Variants in SHOC2 observed in about 807,000 individuals in gnomAD.
The protein encoded by SHOC2 is leucine-rich repeat protein SHOC-2.
SHOC2 carries 4 observed loss-of-function variants against 50.2 expected under a neutral mutation model. The observed-to-expected ratio is 0.08, with a 90% confidence interval of 0.04 to 0.18. The LOEUF is 0.18. SHOC2 is among the 10% of genes least tolerant of loss of function. SHOC2 has a pLI of 1.00. For synonymous variants in SHOC2, 218 were observed against 244.5 expected (o/e 0.89, Z 1.01); for missense variants, 388 against 669.6 (o/e 0.58, Z 4.64).
chr10:111,000,862 G>GT (rs1482795489), intron 4 of SHOC2, among the ~76,000 whole-genome samples: 1 of 152,022 alleles, frequency 6.6e-6, no homozygotes, highest in Admixed American at 6.5e-5. Context: ...GACAGTAAAG[G>GT]TATTAAGGAA....
At chr10:110,949,405 A>T (rs561081377) in intron 1 of SHOC2, among the ~76,000 whole-genome samples, 1 of 152,092 alleles carries the variant, frequency 6.6e-6, no homozygotes, top group Non-Finnish European at 1.5e-5. Context: ...AGAAAATCCA[A>T]TCACACCCAG....
At chr10:111,007,455 C>T in intron 5 of SHOC2, 76 bp from the exon 6 acceptor site, 1 of 1,490,516 alleles carries the variant, frequency 6.7e-7, no homozygotes, top group South Asian at 1.2e-5. Flanking sequence ...TAAGAATTCT[C>T]TTTCCGAAGT....
intron 1 of SHOC2, among the ~76,000 whole-genome samples, chr10:110,924,271 C>G (rs1003262373): frequency 6.6e-6 from 1 of 152,074 alleles, no homozygotes; most frequent in African/African-American, 2.4e-5. Flanking sequence ...CCGGACAAGT[C>G]AATAGTTAAT....
Position 110,997,248 on chromosome 10 carries a change from A to G in SHOC2, c.842-3167A>G, listed in dbSNP as rs140499493. Among the ~76,000 whole-genome samples, 784 of 152,344 alleles carry G rather than the reference A, an allele frequency of 5.1e-3. 5 individuals are homozygous for G. Among genetic ancestry groups the G allele is most frequent in the African/African-American group, 0.018 (756 of 41,588 alleles). The stretch of plus-strand genomic sequence containing the variant: ...ATATAAAATATCTCTGTAATGTAAA[A>G]TATTCATCCAAAAGAAAAAGGATAG... On this transcript the variant is annotated intron_variant, in intron 3 of 8. Transcript: ENST00000369452.
chr10:111,006,767 T>C (rs1848476496), intron 5 of SHOC2, among the ~76,000 whole-genome samples: 3 of 152,216 alleles, frequency 2.0e-5, no homozygotes, highest in Admixed American at 1.3e-4. Context: ...ATTGTTGGTA[T>C]TGAGCTGGAT....
intron 1 of SHOC2, among the ~76,000 whole-genome samples, chr10:110,920,550 C>A (rs565747377): frequency 6.6e-6 from 1 of 152,122 alleles, no homozygotes; most frequent in East Asian, 1.9e-4. Context: ...TTCTTCCTTC[C>A]TTTCTTTAAG....
At chr10:110,948,389 G>A (rs1034487094) in intron 1 of SHOC2, among the ~76,000 whole-genome samples, 6 of 152,150 alleles carry the variant, frequency 3.9e-5, no homozygotes, top group Non-Finnish European at 8.8e-5. Context: ...AGGCCAAATG[G>A]ACGTAACAGG....
intron 4 of SHOC2, among the ~76,000 whole-genome samples, chr10:111,000,760 TGTAAA>T (rs989774794): frequency 1.6e-4 from 24 of 152,188 alleles, no homozygotes; most frequent in Admixed American, 1.4e-3. Flanking sequence ...ATTTTTTTAA[TGTAAA>T]GAAAAAGGGA....
chr10:110,939,418 T>G (rs1325144962), intron 1 of SHOC2, among the ~76,000 whole-genome samples: 1 of 152,022 alleles, frequency 6.6e-6, no homozygotes, highest in Non-Finnish European at 1.5e-5. Flanking sequence ...TAGGGTTTCC[T>G]TATGTTGCCC....
At position 110,989,119 on chromosome 10, in the gene SHOC2, T is replaced by C. The variant is rs1035557457; in HGVS notation, c.841+3354T>C. On this transcript the variant is annotated intron_variant, in intron 3 of 8. Coordinates refer to ENST00000369452, the MANE Select transcript of SHOC2 (RefSeq NM_007373.4). ...AACATTCCTGATAGGACTTGAATTC[T>C]TTCATCATGGTAAAAGTATTCCATG... The C allele has an allele frequency of 3.2e-5, 15 of 464,418 alleles. No individual in the cohort carries two copies. In the East Asian group the frequency reaches 5.6e-4, roughly 17 times the overall value. The allele number at this position is 464,418 out of a possible 1,614,324, so 28.8% of individuals were successfully genotyped here.
chr10:110,993,749 A>T (rs993233614), intron 3 of SHOC2, among the ~76,000 whole-genome samples: 1 of 152,190 alleles, frequency 6.6e-6, no homozygotes, highest in African/African-American at 2.4e-5. Context: ...TTGGTTTTGG[A>T]TGAGAAATTT....
intron 5 of SHOC2, among the ~76,000 whole-genome samples, chr10:111,006,718 CCA>C (rs1222819785): frequency 3.3e-5 from 5 of 152,156 alleles, no homozygotes; most frequent in African/African-American, 4.8e-5. Context: ...AATAATACTG[CCA>C]CTGAGAGGTA....
Position 111,007,659 on chromosome 10 carries a change from T to G in SHOC2, c.1284+6T>G. On this transcript the variant is annotated splice_donor_region_variant and intron_variant, in intron 6 of 8. Coordinates refer to ENST00000369452, the MANE Select transcript of SHOC2 (RefSeq NM_007373.4). ...CTGGTCTCGTTTCTCTTGAGGTTAG[T>G]ATAAATGAGCAATTAGAGAACTTCA... is the stretch of plus-strand genomic sequence containing the variant. 6.2e-7 allele frequency: 1 copy of G among 1,613,348 alleles called. No individual in the cohort carries two copies. The highest frequency in any genetic ancestry group is 1.7e-5 in the Admixed American group (1 of 60,018).
intron 1 of SHOC2, among the ~76,000 whole-genome samples, chr10:110,927,931 T>G (rs1261011335): frequency 6.6e-6 from 1 of 152,216 alleles, no homozygotes; most frequent in Non-Finnish European, 1.5e-5. Context: ...CAATACTCTT[T>G]TATTAGAAAA....
rs1414383692 is a variant in SHOC2 at position 111,007,496 on chromosome 10, A to G, written c.1162-35A>G. ...GTATATATAGAACTTTGTTTTTGTGATTCTACCTTGGATGCTTCTTTTTGT... is the reference window on the plus strand; with the variant it reads ...GTATATATAGAACTTTGTTTTTGTGGTTCTACCTTGGATGCTTCTTTTTGT... On this transcript the variant is annotated intron_variant, in intron 5 of 8. Transcript: ENST00000369452. 2.5e-6 allele frequency: 4 copies of G among 1,612,270 alleles called. No individual in the cohort carries two copies. The Admixed American group carries it at 5.0e-5, about 20-fold the overall frequency.
At chr10:111,009,170 A>C (rs903203009) in intron 6 of SHOC2, 78 bp from the exon 7 acceptor site, 13 of 999,868 alleles carry the variant, frequency 1.3e-5, no homozygotes, top group Non-Finnish European at 2.0e-5. Context: ...GCATTGCTTA[A>C]TAGATTTTAA....
intron 2 of SHOC2, among the ~76,000 whole-genome samples, chr10:110,967,941 T>A (rs375050876): frequency 6.6e-6 from 1 of 152,204 alleles, no homozygotes; most frequent in East Asian, 1.9e-4. Context: ...TGTGTACAAG[T>A]TTTTGTGTGG....
At chr10:110,981,572 G>A (rs1020391113) in intron 2 of SHOC2, among the ~76,000 whole-genome samples, 1 of 152,140 alleles carries the variant, frequency 6.6e-6, no homozygotes, top group African/African-American at 2.4e-5. Context: ...ACTGGAAGTC[G>A]GCTGTAAGTT....
intron 1 of SHOC2, among the ~76,000 whole-genome samples, chr10:110,949,991 A>G (rs971839446): frequency 6.6e-6 from 1 of 152,208 alleles, no homozygotes; most frequent in Admixed American, 6.5e-5. Context: ...ATCAGGAAGA[A>G]GACAAGGATT....
Sources: gnomAD v4.1 joint callset for allele counts (sites outside exome capture counted in the v4.1 genomes callset) on GRCh38, gnomAD v4.1.1 for gene constraint, MANE v1.5 for transcripts, NCBI Gene and HGNC (gene_info 2026-07-23, HGNC 2026-07-21) for gene names.